The following ZNF384 variants were observed in gnomAD, a reference collection of about 807,000 sequenced individuals.
ZNF384 encodes the protein CAG repeat protein 1.
In ZNF384, 20 loss-of-function variants were observed where a neutral mutation model predicts 65.0. The ratio of observed to expected loss-of-function variants is 0.31; its 90% CI spans 0.22 to 0.45. The LOEUF (loss-of-function observed/expected upper bound fraction) is 0.45, where lower values mean the gene tolerates loss of function less well. Ranked by LOEUF, ZNF384 falls within the 20% of genes least tolerant of loss-of-function variation. ZNF384 has a pLI of 1.00. For missense variants in ZNF384, 549 were observed against 769.4 expected, an observed-to-expected ratio of 0.71 and a Z score of 3.39; for synonymous variants, 310 against 303.9, an observed-to-expected ratio of 1.02 and a Z score of -0.21.
chr12:6,674,690 C>G (rs1952820444), intron 7 of ZNF384, among the ~76,000 whole-genome samples: 1 of 152,168 alleles, frequency 6.6e-6, no homozygotes, highest in South Asian at 2.1e-4. Context: ...AATCAGGATG[C>G]CTGGGTTCTA....
chr12:6,674,751 CTGTAAAA>C, intron 7 of ZNF384, among the ~76,000 whole-genome samples: 1 of 152,188 alleles, frequency 6.6e-6, no homozygotes, highest in East Asian at 1.9e-4. Flanking sequence ...ATTTTCTGGT[CTGTAAAA>C]TGGAAAGATA....
chr12:6,668,340 T>C (rs368591159), intron 11 of ZNF384, among the ~76,000 whole-genome samples: 1 of 152,138 alleles, frequency 6.6e-6, no homozygotes, highest in African/African-American at 2.4e-5. Flanking sequence ...GGCAAAGGAA[T>C]GAGCTGCTAT....
intron 6 of ZNF384, among the ~76,000 whole-genome samples, chr12:6,677,827 C>A (rs1954268226): frequency 6.6e-6 from 1 of 152,106 alleles, no homozygotes; most frequent in South Asian, 2.1e-4. Context: ...AGTCTCAAAC[C>A]CAGCATAAAG....
rs189964610 is a variant in ZNF384 at position 6,669,269 on chromosome 12, G to A, written c.1267-80C>T. The A allele has an allele frequency of 2.1e-6, 3 of 1,448,810 alleles. No individual in the cohort carries two copies. The African/African-American group carries it at 4.3e-5, about 21-fold the overall frequency. The allele number at this position is 1,448,810 out of a possible 1,614,324, so 89.7% of individuals were successfully genotyped here. Reference sequence around the variant, plus strand: ...CCTTGACCTCGATGGAAAGCAAAAAGGTAGGTGTCAGGCCTCCCAGCTTCT... The same window carrying A: ...CCTTGACCTCGATGGAAAGCAAAAAAGTAGGTGTCAGGCCTCCCAGCTTCT... On this transcript the variant is annotated intron_variant, in intron 10 of 11. Coordinates refer to ENST00000683879, the MANE Select transcript of ZNF384 (RefSeq NM_001385745.1).
chr12:6,667,780 A>G lies in ZNF384; in HGVS notation c.1761T>C (p.His587=), dbSNP rs780177634. 6 of 1,614,024 alleles carry G rather than the reference A, an allele frequency of 3.7e-6. No homozygotes were observed. The African/African-American group carries it at 5.3e-5, about 14-fold the overall frequency. Residue 587 remains histidine (H), a synonymous_variant, in exon 12 of 12, where the codon CAT becomes CAC. Coordinates refer to ENST00000683879, the MANE Select transcript of ZNF384 (RefSeq NM_001385745.1). ...FDLTPYKTAE[H]HKDICLTVTT... Reference sequence around the variant, plus strand: ...TGACAGTGAGGCAGATGTCCTTATGATGCTCCGCCGTCTTATACGGGGTCA... The same window carrying G: ...TGACAGTGAGGCAGATGTCCTTATGGTGCTCCGCCGTCTTATACGGGGTCA...
intron 3 of ZNF384, 38 bp downstream of exon 3, chr12:6,679,417 C>T (rs1426212179): frequency 6.3e-7 from 1 of 1,590,084 alleles, no homozygotes; most frequent in Admixed American, 1.7e-5. Context: ...GAACTTACTA[C>T]TGAGACTTGG....
rs1434828326 is a variant in ZNF384 at position 6,684,788 on chromosome 12, T to C, written c.-6+3379A>G. Among the ~76,000 whole-genome samples the C allele has an allele frequency of 5.3e-5, 8 of 152,310 alleles. No individual in the cohort carries two copies. In the South Asian group the frequency reaches 1.4e-3, roughly 28 times the overall value. On this transcript the variant is annotated intron_variant, in intron 2 of 11. Coordinates refer to ENST00000683879, the MANE Select transcript of ZNF384 (RefSeq NM_001385745.1). Reference sequence around the variant, plus strand: ...CTTTGTACTCCTGAAATGAGATCAATGGAGAGCTAAGAATCAAAACTATTG... The same window carrying C: ...CTTTGTACTCCTGAAATGAGATCAACGGAGAGCTAAGAATCAAAACTATTG...
intron 2 of ZNF384, among the ~76,000 whole-genome samples, 196 bp from the exon 3 acceptor site, chr12:6,679,721 A>AG (rs1287992390): frequency 1.3e-5 from 2 of 152,186 alleles, no homozygotes; most frequent in African/African-American, 4.8e-5. Flanking sequence ...CATCCAACAG[A>AG]GGCTATCCTA....
At chr12:6,668,967 T>TG in intron 11 of ZNF384, 64 bp downstream of exon 11, 2 of 1,491,302 alleles carry the variant, frequency 1.3e-6, no homozygotes, top group South Asian at 1.3e-5. Context: ...ACCCAGAAAA[T>TG]GGGGTGAAGT....
intron 2 of ZNF384, among the ~76,000 whole-genome samples, chr12:6,686,737 T>C (rs776296576): frequency 6.6e-6 from 1 of 151,474 alleles, no homozygotes; most frequent in Non-Finnish European, 1.5e-5. Context: ...AGAGAAAGAA[T>C]GAAATGCCCC....
chr12:6,673,196 T>C lies in ZNF384; in HGVS notation c.1004+20A>G. 1 of 1,611,028 alleles carries C rather than the reference T, an allele frequency of 6.2e-7. No homozygotes were observed. The highest frequency in any genetic ancestry group is 8.5e-7 in the Non-Finnish European group (1 of 1,178,138). ...TAGGGTTCACGGCCAGGTGGTGGGG[T>C]AAACCAAGAGCAGCCTTACCGGGTG... is the stretch of plus-strand genomic sequence containing the variant. On this transcript the variant is annotated intron_variant, in intron 8 of 11. Transcript: ENST00000683879. This position sits in a 1 kb window ranked among gnomAD's most constrained non-coding sequence, Gnocchi z 4.7.
At chr12:6,676,273 C>G (rs1372996543) in intron 7 of ZNF384, among the ~76,000 whole-genome samples, 1 of 152,140 alleles carries the variant, frequency 6.6e-6, no homozygotes, top group Non-Finnish European at 1.5e-5. Flanking sequence ...TGCACACCAG[C>G]CTGGGCGACA....
intron 2 of ZNF384, 107 bp downstream of exon 2, chr12:6,688,060 A>G (rs1958599245): frequency 6.6e-6 from 1 of 152,618 alleles, no homozygotes; most frequent in African/African-American, 2.4e-5. Context: ...TACAATTGCT[A>G]TTACTTTAAG....
chr12:6,687,449 A>G (rs921887737), intron 2 of ZNF384, among the ~76,000 whole-genome samples: 12 of 152,184 alleles, frequency 7.9e-5, no homozygotes, highest in Admixed American at 7.9e-4. Flanking sequence ...TGTACCCAAT[A>G]TTTAATCAAC....
chr12:6,669,293 C>A, intron 10 of ZNF384, 104 bp from the exon 11 acceptor site: 1 of 1,123,810 alleles, frequency 8.9e-7, no homozygotes, highest in Non-Finnish European at 1.3e-6. Context: ...CTCCCAGCTT[C>A]TCCCTCTATC....
intron 10 of ZNF384, 120 bp downstream of exon 10, chr12:6,670,640 T>C: frequency 1.1e-6 from 1 of 927,526 alleles, no homozygotes; most frequent in Non-Finnish European, 1.7e-6. Context: ...CAAAAACTCT[T>C]TGGGTCCCTC....
intron 2 of ZNF384, among the ~76,000 whole-genome samples, chr12:6,681,304 C>G (rs1418400387): frequency 6.6e-6 from 1 of 151,996 alleles, no homozygotes. Flanking sequence ...AGAACACAGG[C>G]ATCCCACCAC....
rs1013365102 is a variant in ZNF384 at position 6,666,908 on chromosome 12, C to T, written c.*806G>A. 2.6e-5 allele frequency: 5 copies of T among 195,678 alleles called. No individual in the cohort carries two copies. In the Admixed American group the frequency reaches 3.0e-4, roughly 12 times the overall value. The allele number at this position is 195,678 out of a possible 1,614,324, so 12.1% of individuals were successfully genotyped here. On this transcript the variant is annotated 3_prime_UTR_variant, in exon 12 of 12. Transcript: ENST00000683879. ...TCCTTGCGTTTGCCTTGAACTCTCC[C>T]TTCTCCGCAACACCCCTGTTTTGGA...
Position 6,666,801 on chromosome 12 carries a change from A to G in ZNF384, c.*913T>C, listed in dbSNP as rs6786. ...ACAACAAAGATGGCCGTGATGAGTGAGTATAATATATTTATATATATATAT... is the reference window on the plus strand; with the variant it reads ...ACAACAAAGATGGCCGTGATGAGTGGGTATAATATATTTATATATATATAT... On this transcript the variant is annotated 3_prime_UTR_variant, in exon 12 of 12. Coordinates refer to ENST00000683879, the MANE Select transcript of ZNF384 (RefSeq NM_001385745.1). The G allele has an allele frequency of 0.62, 105,967 of 170,308 alleles. 36,289 individuals carry two copies. The highest frequency in any genetic ancestry group is 0.9 in the African/African-American group (37,660 of 41,748). 10.5% of individuals were successfully genotyped at this position (170,308 alleles called of 1,614,324 possible).
Sources: gnomAD v4.1 joint callset for allele counts (sites outside exome capture counted in the v4.1 genomes callset) on GRCh38, gnomAD v4.1.1 for gene constraint, Gnocchi (gnomAD v3.1) non-coding constraint, MANE v1.5 for transcripts, NCBI Gene and HGNC (gene_info 2026-07-23, HGNC 2026-07-21) for gene names.